The following SPATA31H1 variants were observed in gnomAD, a reference collection of about 807,000 sequenced individuals.
SPATA31H1 encodes the protein SPATA31 subfamily H member 1.
chr2:27,573,232 G>A, the SPATA31H1 span: 10 of 397,828 alleles, frequency 2.5e-5, no homozygotes, highest in Admixed American at 8.8e-5. Flanking sequence ...AAGATGTCCC[G>A]AGGACCACAG....
At chr2:27,575,085 C>T in the SPATA31H1 span, 1 of 398,552 alleles carries the variant, frequency 2.5e-6, no homozygotes, top group Non-Finnish European at 4.4e-6. The surrounding 1 kb of genome is among the most constrained non-coding windows in gnomAD (Gnocchi z 4.1). Flanking sequence ...GATACACCTT[C>T]AGGGTGTGAA....
chr2:27,572,278 T>C, the SPATA31H1 span: 1 of 398,366 alleles, frequency 2.5e-6, no homozygotes, highest in African/African-American at 2.1e-5. Flanking sequence ...GAGCCACAGA[T>C]TCAAAGTGTG....
At chr2:27,580,333 A>G in the SPATA31H1 span, 53 of 1,614,090 alleles carry the variant, frequency 3.3e-5, no homozygotes, top group Non-Finnish European at 4.2e-5. Context: ...CCTGGGCACT[A>G]TGAATTCACT....
chr2:27,576,491 A>G, the SPATA31H1 span: 1 of 1,073,828 alleles, frequency 9.3e-7, no homozygotes, highest in Non-Finnish European at 1.3e-6. Flanking sequence ...TAAATTCTTC[A>G]GGGTTGACAT....
the SPATA31H1 span, among the ~76,000 whole-genome samples, chr2:27,538,972 G>T: frequency 6.6e-6 from 1 of 152,184 alleles, no homozygotes; most frequent in African/African-American, 2.4e-5. Flanking sequence ...GGATGTGAAA[G>T]TGGAGGAGGT....
chr2:27,552,518 G>A, the SPATA31H1 span, among the ~76,000 whole-genome samples: 1 of 151,996 alleles, frequency 6.6e-6, no homozygotes, highest in South Asian at 2.1e-4. Flanking sequence ...AAATCAGGAA[G>A]TATGAGTCCT....
the SPATA31H1 span, chr2:27,537,389 G>A: frequency 1.4e-6 from 1 of 712,006 alleles, no homozygotes; most frequent in Non-Finnish European, 2.6e-6. Context: ...CAGCCTTGAG[G>A]CAGAAAACTC....
chr2:27,582,067 G>T, the SPATA31H1 span: 1 of 1,613,972 alleles, frequency 6.2e-7, no homozygotes, highest in South Asian at 1.1e-5. Flanking sequence ...AGATCTCACA[G>T]GTCCTTTGAG....
the SPATA31H1 span, among the ~76,000 whole-genome samples, chr2:27,538,383 T>G: frequency 6.6e-6 from 1 of 152,168 alleles, no homozygotes; most frequent in East Asian, 1.9e-4. Context: ...AGCTCCCAGA[T>G]GCTGCTGCTG....
the SPATA31H1 span, among the ~76,000 whole-genome samples, chr2:27,546,003 T>C: frequency 6.6e-6 from 1 of 152,110 alleles, no homozygotes; most frequent in Non-Finnish European, 1.5e-5. Context: ...GTGAACTGGC[T>C]GTTCAAGTCT....
At chr2:27,577,796 G>C in the SPATA31H1 span, 1 of 1,614,142 alleles carries the variant, frequency 6.2e-7, no homozygotes, top group Non-Finnish European at 8.5e-7. This position sits in a 1 kb window ranked among gnomAD's most constrained non-coding sequence, Gnocchi z 4.5. Flanking sequence ...TGACCTGTAA[G>C]CAATGGCTAC....
the SPATA31H1 span, chr2:27,569,399 A>G: frequency 2.5e-6 from 1 of 398,998 alleles, no homozygotes; most frequent in Non-Finnish European, 4.4e-6. Context: ...GGGTCATCCC[A>G]GTACCACCAC....
the SPATA31H1 span, among the ~76,000 whole-genome samples, chr2:27,547,979 CTTTTTTT>C: frequency 5.7e-4 from 64 of 113,264 alleles, 1 homozygote; most frequent in African/African-American, 2.0e-3. Context: ...ATAGTAATTT[CTTTTTTT>C]TTTTTTTTTT....
At chr2:27,563,562 AT>A in the SPATA31H1 span, among the ~76,000 whole-genome samples, 276 of 138,144 alleles carry the variant, frequency 2.0e-3, no homozygotes, top group Middle Eastern at 0.015. Flanking sequence ...CACCCAGCTA[AT>A]TTTTTTTTTT....
the SPATA31H1 span, chr2:27,566,084 A>G: frequency 2.8e-6 from 2 of 717,378 alleles, no homozygotes; most frequent in Non-Finnish European, 5.2e-6. Context: ...CTTGCACTGA[A>G]GCTAACCTGA....
the SPATA31H1 span, among the ~76,000 whole-genome samples, chr2:27,551,901 C>T: frequency 1.0e-3 from 154 of 152,042 alleles, 2 homozygotes; most frequent in African/African-American, 3.4e-3. Flanking sequence ...CTGCAACCTC[C>T]GCCTCCTGGA....
chr2:27,554,341 G>A, the SPATA31H1 span, among the ~76,000 whole-genome samples: 1 of 151,772 alleles, frequency 6.6e-6, no homozygotes, highest in East Asian at 1.9e-4. Flanking sequence ...CTCACTTCTT[G>A]GTACCAATTT....
chr2:27,566,807 G>A, the SPATA31H1 span: 1 of 717,770 alleles, frequency 1.4e-6, no homozygotes, highest in Non-Finnish European at 2.6e-6. Context: ...CTGTTCTTGT[G>A]GCTCAGAAGA....
At chr2:27,537,671 G>T in the SPATA31H1 span, 1 of 654,388 alleles carries the variant, frequency 1.5e-6, no homozygotes, top group Non-Finnish European at 2.8e-6. Context: ...GCAGGGAGAG[G>T]GGAGTTGAGA....
Sources: gnomAD v4.1 joint callset for allele counts (sites outside exome capture counted in the v4.1 genomes callset) on GRCh38, gnomAD v4.1.1 for gene constraint, Gnocchi (gnomAD v3.1) non-coding constraint, MANE v1.5 for transcripts, NCBI Gene and HGNC (gene_info 2026-07-23, HGNC 2026-07-21) for gene names.